TMCO5A: variants seen among roughly 807,000 people sequenced by gnomAD.
TMCO5A encodes transmembrane and coiled-coil domain-containing protein 5A.
Under a neutral mutation model 42.3 loss-of-function variants are expected in TMCO5A, and 34 were observed. The observed-to-expected ratio is 0.80, with a 90% CI of 0.61 to 1.07. The LOEUF (loss-of-function observed/expected upper bound fraction) is 1.07. Among genes scored for constraint, TMCO5A ranks in the 50% least tolerant of loss-of-function variants. TMCO5A has a pLI of 0.00. For synonymous variants in TMCO5A, 131 were observed against 115.6 expected (o/e 1.13, Z -0.86); for missense variants, 357 against 327.9 (o/e 1.09, Z -0.69).
the TMCO5A span, among the ~76,000 whole-genome samples, chr15:38,038,618 GA>G: frequency 8.7e-4 from 132 of 152,170 alleles, no homozygotes; most frequent in African/African-American, 3.1e-3. Context: ...TGTTAACCAG[GA>G]ATGGTCTCGA....
chr15:38,037,815 C>T, the TMCO5A span, among the ~76,000 whole-genome samples: 1 of 152,102 alleles, frequency 6.6e-6, no homozygotes, highest in Admixed American at 6.5e-5. Flanking sequence ...AAGTTCGAGA[C>T]CAGCCTGGTA....
chr15:38,027,063 C>T, the TMCO5A span, among the ~76,000 whole-genome samples: 300 of 152,272 alleles, frequency 2.0e-3, 1 homozygote, highest in Non-Finnish European at 2.5e-3. Context: ...GGTCAGATCC[C>T]CCACACAGAG....
the TMCO5A span, among the ~76,000 whole-genome samples, chr15:38,037,483 C>A: frequency 1.3e-5 from 2 of 152,226 alleles, no homozygotes; most frequent in Admixed American, 1.3e-4. Context: ...GAGTGATATT[C>A]CCAAGTTAAG....
intron 11 of TMCO5A, among the ~76,000 whole-genome samples, chr15:37,965,835 G>A (rs1269495811): frequency 6.6e-6 from 1 of 152,128 alleles, no homozygotes; most frequent in Non-Finnish European, 1.5e-5. Context: ...CCACTATGGA[G>A]AACAGTTTGG....
the TMCO5A span, among the ~76,000 whole-genome samples, chr15:38,002,845 G>A: frequency 6.6e-6 from 1 of 151,960 alleles, no homozygotes; most frequent in Non-Finnish European, 1.5e-5. Flanking sequence ...TGTGTCTTTG[G>A]TACTGGTCAC....
At chr15:38,012,616 A>G in the TMCO5A span, among the ~76,000 whole-genome samples, 20 of 152,090 alleles carry the variant, frequency 1.3e-4, no homozygotes, top group African/African-American at 4.8e-4. Flanking sequence ...CAAATACACA[A>G]TATGTACTCA....
intron 11 of TMCO5A, among the ~76,000 whole-genome samples, chr15:37,948,263 G>C (rs953451): frequency 0.42 from 64,548 of 151,918 alleles, 15,243 homozygotes; most frequent in East Asian, 0.76. Context: ...AAGTAAAATT[G>C]GTATTCACGA....
chr15:37,975,235 C>G, the TMCO5A span, among the ~76,000 whole-genome samples: 1 of 152,146 alleles, frequency 6.6e-6, no homozygotes, highest in Non-Finnish European at 1.5e-5. Context: ...ATAGAGAGTT[C>G]TGTTAAGTGT....
chr15:38,040,072 A>G, the TMCO5A span: 3 of 152,240 alleles, frequency 2.0e-5, no homozygotes, highest in Non-Finnish European at 4.4e-5. Flanking sequence ...TGCCACATGG[A>G]TTTCTCCAGC....
At chr15:37,976,519 C>G in the TMCO5A span, among the ~76,000 whole-genome samples, 1 of 152,130 alleles carries the variant, frequency 6.6e-6, no homozygotes, top group South Asian at 2.1e-4. Context: ...TGCTTGCTTT[C>G]TCTCCCTCTC....
At chr15:38,008,042 C>T in the TMCO5A span, among the ~76,000 whole-genome samples, 4 of 151,828 alleles carry the variant, frequency 2.6e-5, no homozygotes, top group Admixed American at 2.0e-4. Context: ...ACTACAGGCG[C>T]CTGCCACCAC....
downstream of TMCO5A, among the ~76,000 whole-genome samples, chr15:37,952,357 G>A (rs1890180829): frequency 6.6e-6 from 1 of 152,028 alleles, no homozygotes; most frequent in South Asian, 2.1e-4. Context: ...GGAAGACTTT[G>A]TCTTGCATCT....
At chr15:38,016,799 A>G in the TMCO5A span, among the ~76,000 whole-genome samples, 1 of 152,220 alleles carries the variant, frequency 6.6e-6, no homozygotes, top group Admixed American at 6.5e-5. Context: ...TAACACTGTC[A>G]AAAAGTTTAT....
At chr15:38,010,521 A>G in the TMCO5A span, among the ~76,000 whole-genome samples, 1 of 151,680 alleles carries the variant, frequency 6.6e-6, no homozygotes, top group Non-Finnish European at 1.5e-5. Flanking sequence ...GAAGGCTACA[A>G]TGATGTTATC....
the TMCO5A span, among the ~76,000 whole-genome samples, chr15:38,036,776 T>C: frequency 6.6e-6 from 1 of 152,124 alleles, no homozygotes; most frequent in Non-Finnish European, 1.5e-5. Flanking sequence ...AGGACTTATA[T>C]CATGGTATAA....
intron 6 of TMCO5A, among the ~76,000 whole-genome samples, chr15:37,940,114 CT>C (rs1233918477): frequency 1.3e-5 from 2 of 152,154 alleles, no homozygotes. Flanking sequence ...CCTGCTTCTA[CT>C]CTCACTCCCA....
the TMCO5A span, among the ~76,000 whole-genome samples, chr15:38,035,012 C>T: frequency 2.0e-5 from 3 of 152,300 alleles, no homozygotes; most frequent in East Asian, 3.9e-4. Flanking sequence ...AGCTGCACCA[C>T]CTTGTACACA....
At chr15:37,981,200 C>CAAAAAAAAAAAAAAAAAA in the TMCO5A span, among the ~76,000 whole-genome samples, 4 of 65,346 alleles carry the variant, frequency 6.1e-5, no homozygotes, top group African/African-American at 2.2e-4. Flanking sequence ...AGAAAGCCAG[C>CAAAAAAAAAAAAAAAAAA]AAAAAAAAAA....
the TMCO5A span, among the ~76,000 whole-genome samples, chr15:38,006,385 G>A: frequency 0.033 from 4,970 of 152,250 alleles, 252 homozygotes; most frequent in African/African-American, 0.11. Flanking sequence ...GAGAAATGAG[G>A]TGGTTGAGCT....
Sources: allele counts gnomAD v4.1 joint callset (sites outside exome capture counted in the v4.1 genomes callset), GRCh38; gene constraint gnomAD v4.1.1; transcripts MANE v1.5; gene names NCBI Gene and HGNC (gene_info 2026-07-23, HGNC 2026-07-21).